BCL2L12: variants seen among roughly 807,000 people sequenced by gnomAD.
The protein encoded by BCL2L12 is bcl-2-like protein 12.
A neutral mutation model predicts 25.7 loss-of-function variants in BCL2L12; 27 were observed. That is an observed-to-expected ratio of 1.05 (90% CI 0.78 to 1.45). The LOEUF is 1.45. BCL2L12 is among the 40% of genes most tolerant of loss of function. The pLI, the probability that BCL2L12 is intolerant of heterozygous loss-of-function variation, is 0.00. For synonymous variants in BCL2L12, 132 were observed against 145.6 expected, an observed-to-expected ratio of 0.91 and a Z score of 0.67; for missense variants, 302 against 329.8, an observed-to-expected ratio of 0.92 and a Z score of 0.65.
Position 49,669,274 on chromosome 19 carries a change from G to A in BCL2L12, c.429+159G>A, listed in dbSNP as rs574433165. 2.8e-4 allele frequency: 388 copies of A among 1,391,838 alleles called. 7 individuals carry two copies. In the South Asian group the frequency reaches 5.2e-3, roughly 19 times the overall value. 86.2% of individuals were successfully genotyped at this position (1,391,838 alleles called of 1,614,324 possible). On this transcript the variant is annotated intron_variant, in intron 5 of 6. Transcript: ENST00000246784. ...GTTGAGGCCGGGTGTGGTGGCTCAC[G>A]CCTGTAATCCCAGCACTTTGGGAGG...
chr19:49,668,659 G>A (rs549053628), intron 3 of BCL2L12, among the ~76,000 whole-genome samples, 192 bp from the exon 4 acceptor site: 8 of 152,118 alleles, frequency 5.3e-5, no homozygotes, highest in East Asian at 1.9e-4. Flanking sequence ...GTATGGCGGC[G>A]TGCGCCTGTA....
chr19:49,668,573 G>A (rs1414643026), intron 3 of BCL2L12, among the ~76,000 whole-genome samples: 1 of 151,980 alleles, frequency 6.6e-6, no homozygotes, highest in Non-Finnish European at 1.5e-5. Context: ...GGAGGCTGAG[G>A]TGGGTGGATT....
In BCL2L12 at chr19:49,673,793, C is replaced by G. The variant is rs369487854; in HGVS notation, c.*45C>G. On this transcript the variant is annotated 3_prime_UTR_variant, in exon 7 of 7. Transcript: ENST00000246784. ...TACAAGATGACACCTCATGTCCCTG[C>G]CCTCTTCGTGTGCTTTTCCAAGTCT... 6 of 1,608,194 alleles carry G rather than the reference C, an allele frequency of 3.7e-6. No individual in the cohort carries two copies. The highest frequency in any genetic ancestry group is 4.3e-6 in the Non-Finnish European group (5 of 1,174,866).
At position 49,669,080 on chromosome 19, in the gene BCL2L12, C is replaced by T. The variant is rs572657237; in HGVS notation, c.394C>T (p.Leu132=). The part of the protein sequence containing the change: ...KEAILRRLVA[L]LEEEAEVINQ... ...AGCCATACTGCGGAGGCTGGTGGCC[C>T]TGCTGGAGGAGGAGGCAGAAGTCAT... The change falls in exon 5 of 7, where the codon CTG becomes TTG. Residue 132 remains leucine (L), a synonymous_variant. Coordinates refer to ENST00000246784, the MANE Select transcript of BCL2L12 (RefSeq NM_138639.2). 1.2e-6 allele frequency: 2 copies of T among 1,614,122 alleles called. No individual in the cohort carries two copies. The highest frequency in any genetic ancestry group is 2.2e-5 in the South Asian group (2 of 91,076).
In BCL2L12 at chr19:49,667,164, A is replaced by G. The variant is rs778918640; in HGVS notation, c.250+3A>G. ...CCCCTGCTATGGTTTAGAGCCTGGT[A>G]AGAGATTTCCATGATCATCTATGAA... On this transcript the variant is annotated splice_donor_region_variant and intron_variant, in intron 3 of 6. Transcript: ENST00000246784. The G allele has an allele frequency of 1.5e-5, 24 of 1,609,236 alleles. No individual in the cohort carries two copies. The highest frequency in any genetic ancestry group is 2.0e-5 in the Non-Finnish European group (24 of 1,176,060).
chr19:49,665,579 C>G (rs1247330707), upstream of BCL2L12: 6 of 518,828 alleles, frequency 1.2e-5, no homozygotes, highest in Admixed American at 6.5e-5. Context: ...TCCTCTTTCC[C>G]GCTCCTCGCT....
intron 6 of BCL2L12, 103 bp downstream of exon 6, chr19:49,670,591 C>T: frequency 7.0e-7 from 1 of 1,430,474 alleles, no homozygotes; most frequent in Non-Finnish European, 9.3e-7. Flanking sequence ...CTCAGGTATT[C>T]TCCCAGCTCC....
At position 49,673,824 on chromosome 19, in the gene BCL2L12, T is replaced by A. The variant is rs569057792; in HGVS notation, c.*76T>A. On this transcript the variant is annotated 3_prime_UTR_variant, in exon 7 of 7. Transcript: ENST00000246784. Reference sequence around the variant, plus strand: ...TCGTGTGCTTTTCCAAGTCTTCCTATTCCACTCAGGGCTGTGGGGTGGTGG... The same window carrying A: ...TCGTGTGCTTTTCCAAGTCTTCCTAATCCACTCAGGGCTGTGGGGTGGTGG... 1.3e-6 allele frequency: 2 copies of A among 1,564,294 alleles called. No homozygotes were observed. The highest frequency in any genetic ancestry group is 2.7e-5 in the African/African-American group (2 of 74,008).
At chr19:49,671,053 C>T (rs923406576) in intron 6 of BCL2L12, among the ~76,000 whole-genome samples, 3 of 151,930 alleles carry the variant, frequency 2.0e-5, no homozygotes, top group African/African-American at 7.3e-5. Context: ...TCCCAGCTAC[C>T]GAGGAGACTG....
Position 49,670,362 on chromosome 19 carries a change from C to T in BCL2L12, c.576C>T (p.Pro192=), listed in dbSNP as rs188358996. Residue 192 remains proline, a synonymous_variant, in exon 6 of 7, where the codon CCC becomes CCT. Coordinates refer to ENST00000246784, the MANE Select transcript of BCL2L12 (RefSeq NM_138639.2). ...GGCCCCCGCCTCCTTCCCCGGAGCC[C>T]CTGGCCCGCCTGGCCCTAGCCATGG... is the stretch of plus-strand genomic sequence containing the variant. ...CPGPPPPSPE[P]LARLALAMEL... is the part of the protein sequence containing the mutation. The T allele has an allele frequency of 6.3e-7, 1 of 1,582,252 alleles. No individual in the cohort carries two copies. The highest frequency in any genetic ancestry group is 1.1e-5 in the South Asian group (1 of 87,616).
rs1165363766 is a variant in BCL2L12 at position 49,670,461 on chromosome 19, G to A, written c.675G>A (p.Thr225=). ...GCGTGGAGCACGTGCACAGCTTCAC[G>A]CCCTGGATCCAGGCCCACGGGGGCT... ...GLSVEHVHSF[T]PWIQAHGGWE... Residue 225 remains threonine (T), a synonymous_variant, in exon 6 of 7, where the codon ACG becomes ACA. Transcript: ENST00000246784. The A allele has an allele frequency of 6.5e-7, 1 of 1,536,470 alleles. No homozygotes were observed. The highest frequency in any genetic ancestry group is 8.7e-7 in the Non-Finnish European group (1 of 1,144,576).
intron 5 of BCL2L12, among the ~76,000 whole-genome samples, 154 bp from the exon 6 acceptor site, chr19:49,670,062 C>T (rs1488945385): frequency 6.6e-6 from 1 of 152,132 alleles, no homozygotes; most frequent in Non-Finnish European, 1.5e-5. Context: ...GGCAGAGACC[C>T]TGGAGTCTGG....
Position 49,672,457 on chromosome 19 carries a change from A to AAGGTCTCTGAGCAGCGGAGGGACAGGCG in BCL2L12, c.703-1240_703-1213dup, listed in dbSNP as rs2081979792. On this transcript the variant is annotated intron_variant, in intron 6 of 6. Transcript: ENST00000246784. The surrounding 1 kb of genome is among the most constrained non-coding windows in gnomAD (Gnocchi z 4.1). ...CTCGGACTTTGACTCTGGGTAAGCC[A>AAGGTCTCTGAGCAGCGGAGGGACAGGCG]AGGTCTCTGAGCAGCGGAGGGACAG... is the stretch of plus-strand genomic sequence containing the variant. Among the ~76,000 whole-genome samples, 1 of 152,198 alleles carries AAGGTCTCTGAGCAGCGGAGGGACAGGCG rather than the reference A, an allele frequency of 6.6e-6. No homozygotes were observed. The highest frequency in any genetic ancestry group is 2.1e-4 in the South Asian group (1 of 4,838).
At chr19:49,671,257 G>C (rs763729626) in intron 6 of BCL2L12, among the ~76,000 whole-genome samples, 13 of 152,108 alleles carry the variant, frequency 8.5e-5, no homozygotes, top group Non-Finnish European at 1.9e-4. Context: ...GAGGTCAGGA[G>C]TTTGAGACCA....
At position 49,671,191 on chromosome 19, in the gene BCL2L12, G is replaced by A. The variant is rs77242751; in HGVS notation, c.702+703G>A. On this transcript the variant is annotated intron_variant, in intron 6 of 6. Coordinates refer to ENST00000246784, the MANE Select transcript of BCL2L12 (RefSeq NM_138639.2). Reference sequence around the variant, plus strand: ...AAATAATATAATAAAAACCTGGTGCGGTGGCTCACACCTGTAATCCCAGCA... The same window carrying A: ...AAATAATATAATAAAAACCTGGTGCAGTGGCTCACACCTGTAATCCCAGCA... Among the ~76,000 whole-genome samples the A allele has an allele frequency of 3.1e-3, 459 of 150,368 alleles. 28 individuals are homozygous for A. In the East Asian group the frequency reaches 0.078, roughly 25 times the overall value.
chr19:49,670,600 C>T, intron 6 of BCL2L12, 112 bp downstream of exon 6: 2 of 1,392,450 alleles, frequency 1.4e-6, no homozygotes, highest in South Asian at 2.7e-5. Context: ...TCTCCCAGCT[C>T]CACTGCGTTC....
intron 2 of BCL2L12, 73 bp from the exon 3 acceptor site, chr19:49,666,946 G>A: frequency 1.3e-6 from 2 of 1,567,062 alleles, no homozygotes; most frequent in Non-Finnish European, 1.7e-6. Flanking sequence ...AGCGGGGGAG[G>A]GAGGGAGTTG....
At position 49,673,750 on chromosome 19, in the gene BCL2L12, C is replaced by A. The variant is rs756653688; in HGVS notation, c.*2C>A. The A allele has an allele frequency of 6.2e-7, 1 of 1,614,126 alleles. No homozygotes were observed. The highest frequency in any genetic ancestry group is 1.7e-5 in the Admixed American group (1 of 60,018). The stretch of plus-strand genomic sequence containing the variant: ...GACTTGAACTTGCCATTGGACTGAG[C>A]TCTTTCTCAGAAGCTGCTACAAGAT... On this transcript the variant is annotated 3_prime_UTR_variant, in exon 7 of 7. Coordinates refer to ENST00000246784, the MANE Select transcript of BCL2L12 (RefSeq NM_138639.2).
At chr19:49,673,202 C>T (rs1164533763) in intron 6 of BCL2L12, among the ~76,000 whole-genome samples, 3 of 151,918 alleles carry the variant, frequency 2.0e-5, no homozygotes, top group Non-Finnish European at 4.4e-5. Context: ...GGATTGATAG[C>T]AGATGAGTTT....
Sources: allele counts gnomAD v4.1 joint callset (sites outside exome capture counted in the v4.1 genomes callset), GRCh38; gene constraint gnomAD v4.1.1; non-coding constraint Gnocchi (gnomAD v3.1); transcripts MANE v1.5; gene names NCBI Gene and HGNC (gene_info 2026-07-23, HGNC 2026-07-21).